The following TACC2 variants were observed in gnomAD, a reference collection of about 807,000 sequenced individuals.
TACC2 encodes the protein transforming acidic coiled-coil-containing protein 2.
TACC2 carries 137 observed loss-of-function variants against 227.3 expected under a neutral mutation model. That is an observed-to-expected ratio of 0.60 (90% CI 0.52 to 0.69). The LOEUF (loss-of-function observed/expected upper bound fraction) is 0.69. Among genes scored for constraint, TACC2 ranks in the 30% least tolerant of loss-of-function variants. The pLI, the probability that TACC2 is intolerant of heterozygous loss-of-function variation, is 0.00. For synonymous variants in TACC2, 1,523 were observed against 1,487.5 expected (o/e 1.02, Z -0.55); for missense variants, 3,470 against 3,694.4 (o/e 0.94, Z 1.57).
At chr10:122,055,163 T>G (rs2076098313) in intron 3 of TACC2, among the ~76,000 whole-genome samples, 1 of 151,820 alleles carries the variant, frequency 6.6e-6, no homozygotes, top group African/African-American at 2.4e-5. Context: ...GAGGTTGCAG[T>G]GAGCTGAGAT....
chr10:122,211,011 G>T lies in TACC2; in HGVS notation c.6586G>T (p.Ala2196Ser). ...ATTGGAGGAGACGCCCCTTGAGCCC[G>T]CTGTGGGGCCCAAAGCTGCCTGCCC... ...ALLEETPLEPAVGPKAACPLD... is the reference protein window; with the variant it reads ...ALLEETPLEPSVGPKAACPLD... Residue 2196 changes from alanine to serine, a missense_variant, in exon 9 of 23, where the codon GCT becomes TCT. Coordinates refer to ENST00000369005, the MANE Select transcript of TACC2 (RefSeq NM_206862.4). 2 of 1,612,056 alleles carry T rather than the reference G, an allele frequency of 1.2e-6. No individual in the cohort carries two copies. Among genetic ancestry groups the T allele is most frequent in the South Asian group, 1.1e-5 (1 of 90,712 alleles).
At chr10:122,250,908 ATTCTTT>A (rs968486992) in intron 22 of TACC2, among the ~76,000 whole-genome samples, 32 of 100,836 alleles carry the variant, frequency 3.2e-4, no homozygotes, top group African/African-American at 1.2e-3. Flanking sequence ...CATTATTTTC[ATTCTTT>A]TTTTTTTTTT....
intron 1 of TACC2, among the ~76,000 whole-genome samples, chr10:122,020,556 G>A (rs1957207999): frequency 6.6e-6 from 1 of 152,154 alleles, no homozygotes; most frequent in African/African-American, 2.4e-5. Flanking sequence ...AAATGAATAA[G>A]CAAGTCAATG....
intron 3 of TACC2, among the ~76,000 whole-genome samples, chr10:122,077,854 G>A (rs1036616424): frequency 1.3e-5 from 2 of 152,074 alleles, no homozygotes; most frequent in African/African-American, 4.8e-5. Context: ...GTACAATGGG[G>A]CCACCCTTCT....
intron 3 of TACC2, among the ~76,000 whole-genome samples, chr10:122,081,511 G>C (rs1045782687): frequency 3.0e-5 from 4 of 134,940 alleles, no homozygotes; most frequent in African/African-American, 1.1e-4. Context: ...CTGGGTGACA[G>C]AGTGAGACTC....
chr10:122,088,870 C>T (rs567699086), intron 5 of TACC2: 37 of 945,014 alleles, frequency 3.9e-5, no homozygotes, highest in Non-Finnish European at 5.4e-5. Flanking sequence ...CCTGTAATCC[C>T]AACACTTTGG....
intron 3 of TACC2, among the ~76,000 whole-genome samples, chr10:122,067,447 C>T (rs2077500916): frequency 6.6e-6 from 1 of 150,700 alleles, no homozygotes; most frequent in Non-Finnish European, 1.5e-5. Context: ...CACTTTTTCA[C>T]TGGTTTGAAG....
At position 122,083,642 on chromosome 10, in the gene TACC2, G is replaced by C; in HGVS notation, c.1142G>C (p.Arg381Pro). 1.2e-6 allele frequency: 2 copies of C among 1,611,122 alleles called. No homozygotes were observed. Among genetic ancestry groups the C allele is most frequent in the Non-Finnish European group, 1.7e-6 (2 of 1,180,028 alleles). The change falls in exon 4 of 23, where the codon CGA becomes CCA. Residue 381 changes from arginine to proline, a missense_variant. Coordinates refer to ENST00000369005, the MANE Select transcript of TACC2 (RefSeq NM_206862.4). The part of the protein sequence containing the change: ...DVQGHPQTGM[R>P]GTKPNQVVCV... ...CAGGGTCACCCACAGACAGGGATGC[G>C]AGGAACCAAGCCCAATCAAGTTGTC...
chr10:122,086,356 C>A lies in TACC2; in HGVS notation c.3856C>A (p.Leu1286Met). The A allele has an allele frequency of 6.2e-7, 1 of 1,613,724 alleles. No homozygotes were observed. Among genetic ancestry groups the A allele is most frequent in the South Asian group, 1.1e-5 (1 of 91,092 alleles). The change falls in exon 4 of 23, where the codon CTG becomes ATG. Residue 1286 changes from leucine to methionine, a missense_variant. Coordinates refer to ENST00000369005, the MANE Select transcript of TACC2 (RefSeq NM_206862.4). ...CTTGGAAAATGCTGCCTCCTTGAAG[C>A]TGTTTGCTGGCTCCCTCGCCCCCCT... is the stretch of plus-strand genomic sequence containing the variant. ...LALENAASLKLFAGSLAPLLQ... is the reference protein window; with the variant it reads ...LALENAASLKMFAGSLAPLLQ...
At chr10:122,088,229 A>T (rs987580853) in intron 4 of TACC2, among the ~76,000 whole-genome samples, 1 of 152,176 alleles carries the variant, frequency 6.6e-6, no homozygotes, top group Non-Finnish European at 1.5e-5. Context: ...AAAAGTATCA[A>T]CTGTTTACTG....
chr10:122,182,847 G>A (rs1255895331), intron 7 of TACC2, among the ~76,000 whole-genome samples: 3 of 152,150 alleles, frequency 2.0e-5, no homozygotes, highest in African/African-American at 7.2e-5. Flanking sequence ...TAGAGTCAGA[G>A]GCAGGTTCAA....
At chr10:122,217,042 C>A in intron 11 of TACC2, 2 of 969,764 alleles carry the variant, frequency 2.1e-6, no homozygotes, top group Non-Finnish European at 3.0e-6. Flanking sequence ...AAGACTCCTG[C>A]TAAGAGCCAG....
chr10:122,175,939 G>C (rs574203490), intron 7 of TACC2, among the ~76,000 whole-genome samples: 69 of 152,114 alleles, frequency 4.5e-4, no homozygotes, highest in African/African-American at 1.4e-3. Context: ...AAATTAGCTG[G>C]GTGCGGTGGT....
rs1396524019 is a variant in TACC2 at position 122,150,704 on chromosome 10, C to T, written c.5834+6998C>T. On this transcript the variant is annotated intron_variant, in intron 7 of 22. Coordinates refer to ENST00000369005, the MANE Select transcript of TACC2 (RefSeq NM_206862.4). This position sits in a 1 kb window ranked among gnomAD's most constrained non-coding sequence, Gnocchi z 4.0. ...GTGCGGCTCAGGACCCCACCATGCCCGAGTGCCTCGCCGTGTTGATGAGCC... is the reference window on the plus strand; with the variant it reads ...GTGCGGCTCAGGACCCCACCATGCCTGAGTGCCTCGCCGTGTTGATGAGCC... 3.9e-5 allele frequency among the ~76,000 whole-genome samples: 6 copies of T among 152,174 alleles called. No homozygotes were observed. Among genetic ancestry groups the T allele is most frequent in the African/African-American group, 1.4e-4 (6 of 41,464 alleles).
At chr10:122,095,669 A>G (rs2137421698) in intron 5 of TACC2, among the ~76,000 whole-genome samples, 1 of 152,350 alleles carries the variant, frequency 6.6e-6, no homozygotes, top group Middle Eastern at 3.4e-3. Context: ...CATCAGATCT[A>G]CGTTCAGAAC....
chr10:122,203,265 C>T (rs543939279), intron 8 of TACC2, among the ~76,000 whole-genome samples: 3,384 of 138,786 alleles, frequency 0.024, 167 homozygotes, highest in African/African-American at 0.096. Flanking sequence ...ACCTCCCGGA[C>T]GGGGCGGCTG....
chr10:122,250,453 G>A (rs758224231), intron 22 of TACC2, among the ~76,000 whole-genome samples: 7 of 152,210 alleles, frequency 4.6e-5, no homozygotes, highest in Non-Finnish European at 7.3e-5. Flanking sequence ...GGCAGTGATG[G>A]GGCATCCTTT....
intron 6 of TACC2, among the ~76,000 whole-genome samples, chr10:122,134,919 C>G (rs1465570433): frequency 6.6e-6 from 1 of 152,218 alleles, no homozygotes; most frequent in African/African-American, 2.4e-5. Context: ...TTTTAAGTGA[C>G]TTGTCCCAGG....
At chr10:122,145,588 CTA>C in intron 7 of TACC2, among the ~76,000 whole-genome samples, 1 of 152,048 alleles carries the variant, frequency 6.6e-6, no homozygotes, top group East Asian at 1.9e-4. Flanking sequence ...ATTTGTGGAA[CTA>C]TATACTTAAA....
Sources: allele counts gnomAD v4.1 joint callset (sites outside exome capture counted in the v4.1 genomes callset), GRCh38; gene constraint gnomAD v4.1.1; non-coding constraint Gnocchi (gnomAD v3.1); transcripts MANE v1.5; gene names NCBI Gene and HGNC (gene_info 2026-07-23, HGNC 2026-07-21).